The following AGAP1 variants were observed in gnomAD, a reference collection of about 807,000 sequenced individuals.
The protein encoded by AGAP1 is arf-GAP with GTPase, ANK repeat and PH domain-containing protein 1.
In AGAP1, 29 loss-of-function variants were observed where a neutral mutation model predicts 105.3. The ratio of observed to expected loss-of-function variants is 0.28; its 90% CI spans 0.21 to 0.38. The LOEUF (loss-of-function observed/expected upper bound fraction) is 0.38. Ranked by LOEUF, AGAP1 falls within the 10% of genes least tolerant of loss-of-function variation. The pLI is 1.00. For missense variants in AGAP1, 998 were observed against 1,165.1 expected, an observed-to-expected ratio of 0.86 and a Z score of 2.09; for synonymous variants, 509 against 485.9, an observed-to-expected ratio of 1.05 and a Z score of -0.63.
chr2:235,915,702 T>C (rs1179534031), intron 11 of AGAP1, among the ~76,000 whole-genome samples: 1 of 152,108 alleles, frequency 6.6e-6, no homozygotes, highest in East Asian at 1.9e-4. Context: ...GAAAATACTA[T>C]AGGAGAAAAA....
chr2:235,697,329 T>G (rs560855005), intron 1 of AGAP1, among the ~76,000 whole-genome samples: 2 of 152,348 alleles, frequency 1.3e-5, no homozygotes, highest in South Asian at 4.1e-4. Flanking sequence ...GGGGAGGTGC[T>G]GGTTTGCTTG....
At position 235,994,729 on chromosome 2, in the gene AGAP1, G is replaced by A. The variant is rs2055716191; in HGVS notation, c.1645+26106G>A. Among the ~76,000 whole-genome samples, 1 of 151,692 alleles carries A rather than the reference G, an allele frequency of 6.6e-6. No homozygotes were observed. Among genetic ancestry groups the A allele is most frequent in the African/African-American group, 2.4e-5 (1 of 41,316 alleles). On this transcript the variant is annotated intron_variant, in intron 13 of 17. Coordinates refer to ENST00000304032, the MANE Select transcript of AGAP1 (RefSeq NM_001037131.3). The surrounding 1 kb of genome is among the most constrained non-coding windows in gnomAD (Gnocchi z 4.4). ...GTTACACAAACACACAAGCTTCTCAGGGGAAGAGCATGATGAATTTCTTTC... is the reference window on the plus strand; with the variant it reads ...GTTACACAAACACACAAGCTTCTCAAGGGAAGAGCATGATGAATTTCTTTC...
At chr2:235,817,488 C>G (rs1958523865) in intron 9 of AGAP1, among the ~76,000 whole-genome samples, 1 of 152,024 alleles carries the variant, frequency 6.6e-6, no homozygotes, top group African/African-American at 2.4e-5. Context: ...TTAACTGACT[C>G]ACTGAAGGCC....
chr2:235,966,369 G>T lies in AGAP1; in HGVS notation c.1484-2093G>T, dbSNP rs188191566. ...TTCCTCTAAGGATGGAGGAGAGGGC[G>T]AGAAGGCCAGTAGAGGAGCCGTGAT... On this transcript the variant is annotated intron_variant, in intron 12 of 17. Coordinates refer to ENST00000304032, the MANE Select transcript of AGAP1 (RefSeq NM_001037131.3). Among the ~76,000 whole-genome samples, 29 of 152,046 alleles carry T rather than the reference G, an allele frequency of 1.9e-4. No individual in the cohort carries two copies. The East Asian group carries it at 4.3e-3, about 22-fold the overall frequency.
intron 6 of AGAP1, among the ~76,000 whole-genome samples, chr2:235,790,095 T>G (rs1373029842): frequency 6.6e-6 from 1 of 152,112 alleles, no homozygotes; most frequent in Non-Finnish European, 1.5e-5. Context: ...AGTGCTGATT[T>G]TAAAGGTAGT....
chr2:235,616,789 A>C (rs1946320420), intron 1 of AGAP1, among the ~76,000 whole-genome samples: 1 of 152,208 alleles, frequency 6.6e-6, no homozygotes, highest in South Asian at 2.1e-4. Context: ...GTGAAAACAA[A>C]ATTCTGAACG....
intron 1 of AGAP1, among the ~76,000 whole-genome samples, chr2:235,584,558 A>G (rs2149196750): frequency 6.6e-6 from 1 of 151,384 alleles, no homozygotes; most frequent in African/African-American, 2.4e-5. Flanking sequence ...GGGCCATGTC[A>G]CGATGGAGGC....
Position 236,105,007 on chromosome 2 carries a change from T to C in AGAP1, c.2115-15185T>C, listed in dbSNP as rs373546915. Among the ~76,000 whole-genome samples the C allele has an allele frequency of 2.0e-5, 3 of 151,850 alleles. No homozygotes were observed. Among genetic ancestry groups the C allele is most frequent in the African/African-American group, 7.3e-5 (3 of 41,332 alleles). ...ATAGCTCTGACTGGATTTCACCAAC[T>C]CCACTCTGGCAGGTTAGCATCAGGA... On this transcript the variant is annotated intron_variant, in intron 16 of 17. Coordinates refer to ENST00000304032, the MANE Select transcript of AGAP1 (RefSeq NM_001037131.3). The surrounding 1 kb of genome is among the most constrained non-coding windows in gnomAD (Gnocchi z 4.2).
rs1191571882 is a variant in AGAP1, at chr2:235,793,512, A to G, written c.674-4247A>G. On this transcript the variant is annotated intron_variant, in intron 6 of 17. Coordinates refer to ENST00000304032, the MANE Select transcript of AGAP1 (RefSeq NM_001037131.3). The surrounding 1 kb of genome is among the most constrained non-coding windows in gnomAD (Gnocchi z 5.3). ...TCGATTGCCACATGGTGGTGTCATG[A>G]GCAGTCCCAGAGCCGTCGGATTGCT... Among the ~76,000 whole-genome samples, 1 of 152,182 alleles carries G rather than the reference A, an allele frequency of 6.6e-6. No homozygotes were observed. The highest frequency in any genetic ancestry group is 2.4e-5 in the African/African-American group (1 of 41,446).
intron 12 of AGAP1, among the ~76,000 whole-genome samples, chr2:235,937,632 C>T (rs2053055100): frequency 6.6e-6 from 1 of 152,218 alleles, no homozygotes; most frequent in African/African-American, 2.4e-5. Flanking sequence ...CTGTAGTGCC[C>T]GGACCAGACC....
intron 16 of AGAP1, among the ~76,000 whole-genome samples, chr2:236,057,318 A>G (rs1045057027): frequency 4.6e-5 from 7 of 152,220 alleles, no homozygotes; most frequent in African/African-American, 1.7e-4. Context: ...CGTGTTAGCC[A>G]GGCTGGTCTC....
rs1306312730 is a variant in AGAP1, at chr2:235,622,697, G to A, written c.164-86482G>A. Among the ~76,000 whole-genome samples the A allele has an allele frequency of 6.6e-6, 1 of 152,068 alleles. No individual in the cohort carries two copies. Among genetic ancestry groups the A allele is most frequent in the Non-Finnish European group, 1.5e-5 (1 of 68,018 alleles). On this transcript the variant is annotated intron_variant, in intron 1 of 17. Transcript: ENST00000304032. The surrounding 1 kb of genome is among the most constrained non-coding windows in gnomAD (Gnocchi z 5.0). ...AGTGGACACTGTCAGAGGTGCTGTG[G>A]ATCACTTGGACCACGGTAGCTAATG...
intron 1 of AGAP1, among the ~76,000 whole-genome samples, chr2:235,708,755 A>C (rs1390423200): frequency 6.6e-6 from 1 of 152,190 alleles, no homozygotes; most frequent in Non-Finnish European, 1.5e-5. Context: ...GTAGTAGACA[A>C]GCAAAAGACC....
intron 1 of AGAP1, among the ~76,000 whole-genome samples, chr2:235,643,889 G>T (rs1273392079): frequency 6.6e-6 from 1 of 152,062 alleles, no homozygotes; most frequent in Non-Finnish European, 1.5e-5. Context: ...ATACACATTT[G>T]GTTCTTCTGT....
Position 236,070,027 on chromosome 2 carries a change from C to G in AGAP1, c.2114+20746C>G, listed in dbSNP as rs545467880. 2.0e-5 allele frequency among the ~76,000 whole-genome samples: 3 copies of G among 152,386 alleles called. No homozygotes were observed. The South Asian group carries it at 6.2e-4, about 32-fold the overall frequency. Reference sequence around the variant, plus strand: ...GTGGCTGACGCCACCCAAGGGCACACTGGTCCACTGTCAGTGGCGCCTAGA... The same window carrying G: ...GTGGCTGACGCCACCCAAGGGCACAGTGGTCCACTGTCAGTGGCGCCTAGA... On this transcript the variant is annotated intron_variant, in intron 16 of 17. Transcript: ENST00000304032.
At chr2:236,017,476 C>T (rs2056746098) in intron 13 of AGAP1, among the ~76,000 whole-genome samples, 1 of 137,712 alleles carries the variant, frequency 7.3e-6, no homozygotes, top group African/African-American at 2.8e-5. Flanking sequence ...CGTCGTGTTA[C>T]ACTAAATATA....
At chr2:235,823,775 AT>A (rs1447519104) in intron 9 of AGAP1, among the ~76,000 whole-genome samples, 3 of 152,192 alleles carry the variant, frequency 2.0e-5, no homozygotes, top group Non-Finnish European at 4.4e-5. Context: ...TTTTTTAAAT[AT>A]GCAAGGGAAT....
Position 235,977,322 on chromosome 2 carries a change from A to T in AGAP1, c.1645+8699A>T, listed in dbSNP as rs1318701835. On this transcript the variant is annotated intron_variant, in intron 13 of 17. Transcript: ENST00000304032. The surrounding 1 kb of genome is among the most constrained non-coding windows in gnomAD (Gnocchi z 5.2). ...TTCGGATGTCATTTAAGTCTCGGTG[A>T]AATTATGGTCCACTTGGACCAAGGT... Among the ~76,000 whole-genome samples the T allele has an allele frequency of 6.6e-6, 1 of 151,956 alleles. No homozygotes were observed. Among genetic ancestry groups the T allele is most frequent in the Non-Finnish European group, 1.5e-5 (1 of 67,994 alleles).
chr2:235,999,495 GTGGTGGTAGTGGTGA>G (rs2055993688), intron 13 of AGAP1, among the ~76,000 whole-genome samples: 2 of 147,840 alleles, frequency 1.4e-5, no homozygotes, highest in Admixed American at 1.3e-4. Flanking sequence ...GTGAGAGGTG[GTGGTGGTAGTGGTGA>G]TGGTGGTGGT....
Sources: gnomAD v4.1 joint callset for allele counts (sites outside exome capture counted in the v4.1 genomes callset) on GRCh38, gnomAD v4.1.1 for gene constraint, Gnocchi (gnomAD v3.1) non-coding constraint, MANE v1.5 for transcripts, NCBI Gene and HGNC (gene_info 2026-07-23, HGNC 2026-07-21) for gene names.